Variants in NTRK1 observed in about 807,000 individuals in gnomAD.
The protein encoded by NTRK1 is high affinity nerve growth factor receptor.
A neutral mutation model predicts 86.8 loss-of-function variants in NTRK1; 62 were observed. The observed-to-expected ratio is 0.71, with a 90% CI of 0.58 to 0.88. The LOEUF is 0.88. Among genes scored for constraint, NTRK1 ranks in the 40% least tolerant of loss-of-function variants. The pLI is 0.00. For missense variants in NTRK1, 967 were observed against 1,078.4 expected (o/e 0.90, Z 1.45); for synonymous variants, 469 against 456.6 (o/e 1.03, Z -0.35).
At chr1:156,851,285 C>G in intron 2 of NTRK1, 1 of 1,614,134 alleles carries the variant, frequency 6.2e-7, no homozygotes, top group South Asian at 1.1e-5. Context: ...AGGCCTAACC[C>G]TTACCCATCC....
At chr1:156,855,380 T>C (rs191229541) in intron 2 of NTRK1, among the ~76,000 whole-genome samples, 1 of 152,244 alleles carries the variant, frequency 6.6e-6, no homozygotes, top group Non-Finnish European at 1.5e-5. Context: ...ATTTTTTGCA[T>C]TTTTAGTAGA....
At chr1:156,824,826 C>T (rs1163288656) in intron 1 of NTRK1, among the ~76,000 whole-genome samples, 2 of 152,212 alleles carry the variant, frequency 1.3e-5, no homozygotes, top group Non-Finnish European at 2.9e-5. Flanking sequence ...CACCACTGGA[C>T]ATGCTGGGTT....
chr1:156,850,843 C>T lies in NTRK1; in HGVS notation c.50+8650C>T, dbSNP rs796960452. 8.5e-5 allele frequency among the ~76,000 whole-genome samples: 13 copies of T among 152,250 alleles called. 1 individual carries two copies. The highest frequency in any genetic ancestry group is 3.1e-4 in the African/African-American group (13 of 41,550). On this transcript the variant is annotated intron_variant, in intron 2 of 16. Transcript: ENST00000392302. ...AAGTGCAGGGATTACAGGTGTGAGC[C>T]ACCGTGCCTGGCTCATTCTTTTTAT...
chr1:156,835,136 T>C (rs1353866298), intron 1 of NTRK1, among the ~76,000 whole-genome samples: 2 of 152,132 alleles, frequency 1.3e-5, no homozygotes, highest in Non-Finnish European at 2.9e-5. Context: ...TTGGCCTCCC[T>C]TGGGGTAAGC....
At chr1:156,876,712 G>A (rs916372665) in intron 14 of NTRK1, 140 bp downstream of exon 14, 2 of 1,061,206 alleles carry the variant, frequency 1.9e-6, no homozygotes, top group African/African-American at 3.2e-5. Context: ...CCGTCCCCAG[G>A]GAGCTCTGAG....
chr1:156,856,149 A>G (rs1213303550), upstream of NTRK1, among the ~76,000 whole-genome samples: 1 of 152,160 alleles, frequency 6.6e-6, no homozygotes. Flanking sequence ...TAATTTATAT[A>G]TTAACATAGA....
intron 1 of NTRK1, among the ~76,000 whole-genome samples, chr1:156,828,500 C>G (rs193074119): frequency 3.6e-4 from 55 of 152,368 alleles, no homozygotes; most frequent in Admixed American, 2.1e-3. Context: ...CTCTTCCACG[C>G]TCCCTGCTGG....
intron 2 of NTRK1, chr1:156,851,427 C>T: frequency 6.2e-7 from 1 of 1,614,122 alleles, no homozygotes; most frequent in Non-Finnish European, 8.5e-7. Flanking sequence ...GCTGTGGCTC[C>T]AGGTTGTCTA....
At chr1:156,852,726 A>G (rs1183412368) in intron 2 of NTRK1, among the ~76,000 whole-genome samples, 3 of 152,202 alleles carry the variant, frequency 2.0e-5, no homozygotes, top group Admixed American at 2.0e-4. Flanking sequence ...TCGCCTAGAA[A>G]CTGCACAGTG....
chr1:156,817,243 A>G (rs1279522053), intron 1 of NTRK1, among the ~76,000 whole-genome samples: 1 of 151,980 alleles, frequency 6.6e-6, no homozygotes, highest in South Asian at 2.1e-4. Context: ...GGGCTGCAAC[A>G]GGAAGGATGT....
upstream of NTRK1, among the ~76,000 whole-genome samples, chr1:156,857,438 G>A (rs1655449614): frequency 6.6e-6 from 1 of 152,176 alleles, no homozygotes; most frequent in Non-Finnish European, 1.5e-5. Flanking sequence ...CCTTCCCTCA[G>A]GACCTGGCTC....
chr1:156,873,573 T>A (rs2102904413), intron 7 of NTRK1, 60 bp from the exon 8 acceptor site: 1 of 1,449,810 alleles, frequency 6.9e-7, no homozygotes, highest in Non-Finnish European at 9.5e-7. Context: ...TTGTCGGGTG[T>A]GTGCCAGGCT....
chr1:156,870,211 A>T (rs1177740427), intron 6 of NTRK1, among the ~76,000 whole-genome samples: 1 of 152,214 alleles, frequency 6.6e-6, no homozygotes, highest in Non-Finnish European at 1.5e-5. Flanking sequence ...TGGGAGACTT[A>T]CATGTTTGCT....
chr1:156,867,812 T>G (rs1224056404), intron 4 of NTRK1, among the ~76,000 whole-genome samples: 2 of 152,120 alleles, frequency 1.3e-5, no homozygotes, highest in African/African-American at 4.8e-5. Context: ...TAGGTGGGAC[T>G]ACAGGTGCCC....
chr1:156,843,879 C>G (rs548929818), intron 2 of NTRK1, among the ~76,000 whole-genome samples: 1 of 152,328 alleles, frequency 6.6e-6, no homozygotes, highest in South Asian at 2.1e-4. Context: ...TGCACAAACT[C>G]TCACACCTGA....
intron 1 of NTRK1, among the ~76,000 whole-genome samples, chr1:156,825,014 C>A (rs553050351): frequency 6.6e-6 from 1 of 152,330 alleles, no homozygotes; most frequent in South Asian, 2.1e-4. Flanking sequence ...CTCAGCCTCC[C>A]AAGTAGCTGG....
intron 10 of NTRK1, 127 bp downstream of exon 10, chr1:156,874,753 C>T (rs960930988): frequency 1.2e-5 from 14 of 1,203,276 alleles, no homozygotes; most frequent in African/African-American, 3.0e-5. Context: ...GACGGCCACC[C>T]GCACAGCCAC....
intron 2 of NTRK1, chr1:156,851,415 C>T (rs1655200563): frequency 3.1e-6 from 5 of 1,614,138 alleles, no homozygotes; most frequent in Non-Finnish European, 3.4e-6. Flanking sequence ...GGCTGTGCTG[C>T]AGCTGTGGCT....
chr1:156,845,950 AC>A, intron 2 of NTRK1: 1 of 1,610,902 alleles, frequency 6.2e-7, no homozygotes, highest in Non-Finnish European at 8.5e-7. Flanking sequence ...GTCCCTGCGC[AC>A]CGCGGTGGCA....
Sources: gnomAD v4.1 joint callset for allele counts (sites outside exome capture counted in the v4.1 genomes callset) on GRCh38, gnomAD v4.1.1 for gene constraint, MANE v1.5 for transcripts, NCBI Gene and HGNC (gene_info 2026-07-23, HGNC 2026-07-21) for gene names.